Variants in TNFAIP8 observed in about 807,000 individuals in gnomAD.
TNFAIP8 encodes the protein TNF alpha induced protein 8.
A neutral mutation model predicts 13.3 loss-of-function variants in TNFAIP8; 7 were observed. The observed-to-expected ratio is 0.52, with a 90% confidence interval of 0.30 to 0.99. TNFAIP8 has a LOEUF of 0.99. TNFAIP8 is among the 50% of genes least tolerant of loss of function. The pLI, the probability that TNFAIP8 is intolerant of heterozygous loss-of-function variation, is 0.07. For missense variants in TNFAIP8, 258 were observed against 236.9 expected, an observed-to-expected ratio of 1.09 and a Z score of -0.58; for synonymous variants, 94 against 87.6, an observed-to-expected ratio of 1.07 and a Z score of -0.41.
At chr5:119,271,896 G>A (rs981617501) in intron 1 of TNFAIP8, among the ~76,000 whole-genome samples, 20 of 152,266 alleles carry the variant, frequency 1.3e-4, no homozygotes, top group African/African-American at 4.6e-4. Context: ...CAACCTTTAT[G>A]TTTCCCTCTG....
chr5:119,355,917 C>T (rs569026875), upstream of TNFAIP8: 23 of 1,343,094 alleles, frequency 1.7e-5, no homozygotes, highest in South Asian at 2.4e-4. Flanking sequence ...GCAGAACTTT[C>T]CCCCTGAAAA....
chr5:119,278,329 A>G (rs1748518415), intron 1 of TNFAIP8, among the ~76,000 whole-genome samples: 1 of 144,730 alleles, frequency 6.9e-6, no homozygotes, highest in African/African-American at 2.6e-5. Flanking sequence ...GTTCCTGCCA[A>G]CCTCTTTTTA....
rs1349284037 is a variant in TNFAIP8 at position 119,396,601 on chromosome 5, T to G, written c.*3220T>G. On this transcript the variant is annotated 3_prime_UTR_variant, in exon 2 of 2. Coordinates refer to ENST00000504771, the MANE Select transcript of TNFAIP8 (RefSeq NM_014350.4). ...TCAGTTTCAAACTTCAACATTATTTTCCAGATTTGGAGGCTCAAAATATTT... is the reference window on the plus strand; with the variant it reads ...TCAGTTTCAAACTTCAACATTATTTGCCAGATTTGGAGGCTCAAAATATTT... 6.6e-6 allele frequency: 1 copy of G among 151,976 alleles called. No individual in the cohort carries two copies. The highest frequency in any genetic ancestry group is 1.9e-4 in the East Asian group (1 of 5,194). 9.4% of individuals were successfully genotyped at this position (151,976 alleles called of 1,614,324 possible).
At chr5:119,303,254 G>T (rs1164927069) in intron 1 of TNFAIP8, among the ~76,000 whole-genome samples, 1 of 152,208 alleles carries the variant, frequency 6.6e-6, no homozygotes, top group African/African-American at 2.4e-5. Flanking sequence ...ACTTTAATGA[G>T]TACTGTGTTT....
chr5:119,344,847 T>A (rs1039058914), intron 1 of TNFAIP8, among the ~76,000 whole-genome samples: 1 of 152,140 alleles, frequency 6.6e-6, no homozygotes, highest in Non-Finnish European at 1.5e-5. Flanking sequence ...TATAAAGAAA[T>A]ATAATATTAA....
intron 1 of TNFAIP8, among the ~76,000 whole-genome samples, chr5:119,359,570 T>G (rs1208863035): frequency 6.6e-6 from 1 of 150,820 alleles, no homozygotes. Context: ...AAAAAAAAAG[T>G]TTAGTTGTTC....
chr5:119,381,237 G>A (rs1580443234), intron 1 of TNFAIP8, among the ~76,000 whole-genome samples: 1 of 152,152 alleles, frequency 6.6e-6, no homozygotes, highest in African/African-American at 2.4e-5. Context: ...GCCAAACAAA[G>A]CCTTCTTGAA....
intron 1 of TNFAIP8, among the ~76,000 whole-genome samples, chr5:119,373,729 AT>A (rs1752174594): frequency 6.6e-6 from 1 of 152,164 alleles, no homozygotes; most frequent in Non-Finnish European, 1.5e-5. Flanking sequence ...ACAGTGACTG[AT>A]TTTAGGAGGT....
At chr5:119,273,260 G>A (rs1307732939) in intron 1 of TNFAIP8, among the ~76,000 whole-genome samples, 1 of 152,204 alleles carries the variant, frequency 6.6e-6, no homozygotes, top group Non-Finnish European at 1.5e-5. Flanking sequence ...TGTGCAGAAG[G>A]CACCCATTAA....
At chr5:119,310,277 T>C (rs1307516182) in intron 1 of TNFAIP8, among the ~76,000 whole-genome samples, 1 of 151,886 alleles carries the variant, frequency 6.6e-6, no homozygotes, top group Non-Finnish European at 1.5e-5. Context: ...GGGCTGAGGC[T>C]AGAAACATGG....
chr5:119,342,447 A>G (rs574670308), intron 1 of TNFAIP8, among the ~76,000 whole-genome samples: 1 of 152,228 alleles, frequency 6.6e-6, no homozygotes, highest in African/African-American at 2.4e-5. Flanking sequence ...GTGTTGGCCA[A>G]TGGGAGAGTT....
chr5:119,327,807 A>G (rs1750267025), intron 1 of TNFAIP8, among the ~76,000 whole-genome samples: 1 of 152,166 alleles, frequency 6.6e-6, no homozygotes. Context: ...TTATTATTAT[A>G]TTCACTTTAC....
upstream of TNFAIP8, chr5:119,355,067 C>T: frequency 2.2e-6 from 1 of 452,380 alleles, no homozygotes; most frequent in Non-Finnish European, 4.0e-6. Flanking sequence ...AAAACCAAGG[C>T]TCCACAGAGC....
intron 1 of TNFAIP8, among the ~76,000 whole-genome samples, chr5:119,380,435 G>A (rs1310133387): frequency 2.6e-5 from 4 of 152,190 alleles, no homozygotes; most frequent in Non-Finnish European, 5.9e-5. Flanking sequence ...CAGGGCCTCT[G>A]GCAGGACGGG....
upstream of TNFAIP8, chr5:119,354,936 C>G: frequency 6.0e-6 from 1 of 166,244 alleles, no homozygotes; most frequent in Non-Finnish European, 1.3e-5. Context: ...CCAAGCGGAT[C>G]TTTCAGATAT....
upstream of TNFAIP8, among the ~76,000 whole-genome samples, chr5:119,351,132 C>T (rs1319513631): frequency 6.6e-6 from 1 of 151,904 alleles, no homozygotes; most frequent in Non-Finnish European, 1.5e-5. Context: ...GAGTGATCCT[C>T]CTGCCTCAGT....
Position 119,392,886 on chromosome 5 carries a change from G to A in TNFAIP8, c.102G>A (p.Val34=). The A allele has an allele frequency of 3.8e-6, 6 of 1,580,638 alleles. No individual in the cohort carries two copies. The highest frequency in any genetic ancestry group is 5.2e-6 in the Non-Finnish European group (6 of 1,163,564). ...QAQKKILGKM[V]SKSIATTLID... ...AAAAGAAGATCTTGGGTAAAATGGT[G>A]TCCAAATCCATCGCCACCACCTTAA... Residue 34 remains valine, a synonymous_variant, in exon 2 of 2, where the codon GTG becomes GTA. Coordinates refer to ENST00000504771, the MANE Select transcript of TNFAIP8 (RefSeq NM_014350.4).
chr5:119,284,645 C>T (rs923015246), intron 1 of TNFAIP8, among the ~76,000 whole-genome samples: 2 of 151,874 alleles, frequency 1.3e-5, no homozygotes, highest in East Asian at 3.9e-4. Flanking sequence ...TGCATCGCTG[C>T]ACTCCAGCCT....
chr5:119,299,770 A>G (rs1749301742), intron 1 of TNFAIP8, among the ~76,000 whole-genome samples: 1 of 152,180 alleles, frequency 6.6e-6, no homozygotes, highest in Non-Finnish European at 1.5e-5. Flanking sequence ...ACCCAGTTCG[A>G]GCTTCCTGGC....
Sources: allele counts gnomAD v4.1 joint callset (sites outside exome capture counted in the v4.1 genomes callset), GRCh38; gene constraint gnomAD v4.1.1; transcripts MANE v1.5; gene names NCBI Gene and HGNC (gene_info 2026-07-23, HGNC 2026-07-21).